GABRB1: variants seen among roughly 807,000 people sequenced by gnomAD.
GABRB1 encodes the protein gamma-aminobutyric acid type A receptor subunit beta1.
GABRB1 carries 17 observed loss-of-function variants against 51.6 expected under a neutral mutation model. The observed-to-expected ratio is 0.33, with a 90% confidence interval of 0.23 to 0.49. GABRB1 has a LOEUF of 0.49. Among genes scored for constraint, GABRB1 ranks in the 20% least tolerant of loss-of-function variants. GABRB1 has a pLI of 0.99. For synonymous variants in GABRB1, 247 were observed against 218.9 expected (o/e 1.13, Z -1.14); for missense variants, 410 against 600.6 (o/e 0.68, Z 3.32).
intron 3 of GABRB1, among the ~76,000 whole-genome samples, chr4:47,070,066 C>T (rs116262290): frequency 0.039 from 5,928 of 151,116 alleles, 155 homozygotes; most frequent in South Asian, 0.11. Flanking sequence ...GACCAAGTAT[C>T]GCTCTGTCAC....
At chr4:47,071,571 CTTTAT>C (rs1345671170) in intron 3 of GABRB1, among the ~76,000 whole-genome samples, 6 of 152,110 alleles carry the variant, frequency 3.9e-5, no homozygotes, top group African/African-American at 1.4e-4. Flanking sequence ...ATCTTCATTA[CTTTAT>C]TTTAATTTTC....
At chr4:47,138,643 T>A (rs1305596476) in intron 3 of GABRB1, among the ~76,000 whole-genome samples, 1 of 152,098 alleles carries the variant, frequency 6.6e-6, no homozygotes, top group African/African-American at 2.4e-5. Flanking sequence ...GACATCATAA[T>A]TTTGGTGCTG....
chr4:47,301,529 G>A (rs894452400), intron 4 of GABRB1, among the ~76,000 whole-genome samples: 3 of 151,566 alleles, frequency 2.0e-5, no homozygotes, highest in African/African-American at 7.3e-5. Flanking sequence ...AGCTACTTGG[G>A]AGACTAAGGT....
Position 47,275,094 on chromosome 4 carries a change from C to T in GABRB1, c.462-45033C>T, listed in dbSNP as rs77453531. On this transcript the variant is annotated intron_variant, in intron 4 of 8. Transcript: ENST00000295454. The stretch of plus-strand genomic sequence containing the variant: ...ATTAAGCCAATGGGTAGTTCCCAGT[C>T]AGCTTCCTGGAACAGGGTACAATTC... Among the ~76,000 whole-genome samples, 406 of 152,248 alleles carry T rather than the reference C, an allele frequency of 2.7e-3. 6 individuals carry two copies. Among genetic ancestry groups the T allele is most frequent in the African/African-American group, 9.4e-3 (390 of 41,540 alleles).
At chr4:47,292,088 G>A (rs1723764513) in intron 4 of GABRB1, among the ~76,000 whole-genome samples, 1 of 152,194 alleles carries the variant, frequency 6.6e-6, no homozygotes, top group Non-Finnish European at 1.5e-5. Context: ...AGTGTTATGG[G>A]TGGGACCCAG....
chr4:47,251,441 G>A (rs1262258187), intron 4 of GABRB1, among the ~76,000 whole-genome samples: 2 of 152,176 alleles, frequency 1.3e-5, no homozygotes, highest in African/African-American at 4.8e-5. Flanking sequence ...AGGAGGTGGT[G>A]CTTTCCCAAA....
intron 3 of GABRB1, among the ~76,000 whole-genome samples, chr4:47,093,913 A>C (rs1714259683): frequency 6.6e-6 from 1 of 152,128 alleles, no homozygotes; most frequent in African/African-American, 2.4e-5. Flanking sequence ...TATCCCAATG[A>C]ATGGAGCAGC....
At chr4:47,159,867 C>CAGG (rs1560564410) in intron 3 of GABRB1, among the ~76,000 whole-genome samples, 2 of 151,994 alleles carry the variant, frequency 1.3e-5, no homozygotes, top group Non-Finnish European at 2.9e-5. Flanking sequence ...GAACACTGTG[C>CAGG]AGGAGGTACA....
At chr4:47,032,997 C>G (rs1725403396) in intron 3 of GABRB1, 1 of 330,554 alleles carries the variant, frequency 3.0e-6, no homozygotes, top group African/African-American at 2.2e-5. Context: ...TTCAGGCACA[C>G]CTGGTGGCAG....
intron 4 of GABRB1, among the ~76,000 whole-genome samples, chr4:47,295,349 A>G (rs1250738536): frequency 6.6e-6 from 1 of 152,206 alleles, no homozygotes; most frequent in Non-Finnish European, 1.5e-5. Context: ...CAAAGAAGTT[A>G]AAAACTTTGA....
At chr4:47,267,580 C>T (rs544428150) in intron 4 of GABRB1, among the ~76,000 whole-genome samples, 43 of 152,008 alleles carry the variant, frequency 2.8e-4, no homozygotes, top group African/African-American at 8.4e-4. Flanking sequence ...GGATCACCTG[C>T]GGTCAGGAGT....
chr4:47,358,901 T>C (rs567058832), intron 5 of GABRB1, among the ~76,000 whole-genome samples: 35 of 152,236 alleles, frequency 2.3e-4, no homozygotes, highest in Non-Finnish European at 2.5e-4. Context: ...CCGGTGTTTT[T>C]CAAATACCAG....
intron 4 of GABRB1, among the ~76,000 whole-genome samples, chr4:47,229,596 C>T (rs112741429): frequency 1.2e-4 from 18 of 152,232 alleles, no homozygotes; most frequent in East Asian, 3.9e-4. Flanking sequence ...TTACTTTATA[C>T]ACCAAAAGGG....
At chr4:47,136,108 A>T (rs1716637529) in intron 3 of GABRB1, among the ~76,000 whole-genome samples, 1 of 152,098 alleles carries the variant, frequency 6.6e-6, no homozygotes, top group Non-Finnish European at 1.5e-5. Context: ...CTCCCACCTC[A>T]ACCTCCAGAG....
intron 5 of GABRB1, among the ~76,000 whole-genome samples, chr4:47,353,805 A>G (rs1203720764): frequency 6.6e-6 from 1 of 151,918 alleles, no homozygotes; most frequent in East Asian, 1.9e-4. Flanking sequence ...CGAGTTCACA[A>G]CTCTTTTAGT....
intron 3 of GABRB1, among the ~76,000 whole-genome samples, chr4:47,059,212 C>G (rs999437814): frequency 1.3e-5 from 2 of 152,184 alleles, no homozygotes; most frequent in African/African-American, 2.4e-5. Flanking sequence ...TCTGATCATT[C>G]CACAGCCCAG....
At chr4:47,001,492 A>AT (rs1484655125) in intron 1 of GABRB1, among the ~76,000 whole-genome samples, 3 of 152,208 alleles carry the variant, frequency 2.0e-5, no homozygotes, top group Non-Finnish European at 4.4e-5. Context: ...TGAAATAAAG[A>AT]TTTTAATCAA....
intron 4 of GABRB1, among the ~76,000 whole-genome samples, chr4:47,282,519 C>T (rs2109909418): frequency 6.6e-6 from 1 of 152,092 alleles, no homozygotes; most frequent in African/African-American, 2.4e-5. Context: ...TGTAGTAGCC[C>T]CAGCTCTTAA....
At chr4:47,314,323 G>C (rs554672717) in intron 4 of GABRB1, among the ~76,000 whole-genome samples, 2 of 151,946 alleles carry the variant, frequency 1.3e-5, no homozygotes, top group East Asian at 3.9e-4. Context: ...ACAACTCTAA[G>C]TACCCATACA....
Sources: allele counts gnomAD v4.1 joint callset (sites outside exome capture counted in the v4.1 genomes callset), GRCh38; gene constraint gnomAD v4.1.1; transcripts MANE v1.5; gene names NCBI Gene and HGNC (gene_info 2026-07-23, HGNC 2026-07-21).